ZNF143: variants seen among roughly 807,000 people sequenced by gnomAD.
ZNF143 encodes SPH-binding factor.
In ZNF143, 49 loss-of-function variants were observed where a neutral mutation model predicts 74.1. The ratio of observed to expected loss-of-function variants is 0.66; its 90% confidence interval spans 0.53 to 0.84. The LOEUF (loss-of-function observed/expected upper bound fraction) is 0.84. ZNF143 is among the 40% of genes least tolerant of loss of function. ZNF143 has a pLI of 0.00. For missense variants in ZNF143, 637 were observed against 793.4 expected, an observed-to-expected ratio of 0.80 and a Z score of 2.37; for synonymous variants, 304 against 282.8, an observed-to-expected ratio of 1.07 and a Z score of -0.75.
At chr11:9,523,356 C>G (rs1456900473) in intron 14 of ZNF143, among the ~76,000 whole-genome samples, 1 of 152,120 alleles carries the variant, frequency 6.6e-6, no homozygotes, top group Non-Finnish European at 1.5e-5. Context: ...GAAAGCTCTC[C>G]TTAGTTTCTC....
intron 8 of ZNF143, among the ~76,000 whole-genome samples, chr11:9,495,920 G>C (rs970652150): frequency 6.6e-6 from 1 of 152,124 alleles, no homozygotes; most frequent in African/African-American, 2.4e-5. Context: ...CTAGGCAGTG[G>C]TGGATCCTTG....
chr11:9,523,472 G>A (rs1324550092), intron 14 of ZNF143, among the ~76,000 whole-genome samples: 2 of 152,266 alleles, frequency 1.3e-5, no homozygotes, highest in East Asian at 3.9e-4. Flanking sequence ...GGTGGCTCAC[G>A]CCTGTAATCC....
intron 13 of ZNF143, among the ~76,000 whole-genome samples, chr11:9,515,982 C>T (rs533474557): frequency 1.3e-5 from 2 of 151,904 alleles, no homozygotes; most frequent in East Asian, 3.9e-4. Context: ...GAGGCCTTGT[C>T]TCCAAAAATA....
rs868374967 is a variant in ZNF143, at chr11:9,505,083, C to T, written c.1148-3536C>T. 2.5e-5 allele frequency among the ~76,000 whole-genome samples: 3 copies of T among 121,050 alleles called. 1 individual carries two copies. Among genetic ancestry groups the T allele is most frequent in the Non-Finnish European group, 5.9e-5 (3 of 51,054 alleles). The allele number at this position is 121,050 out of a possible 152,430, so 79.4% of individuals were successfully genotyped here. A position where few individuals can be genotyped will look rare whatever the true frequency, so the allele number is the denominator to read the frequency against. On this transcript the variant is annotated intron_variant, in intron 11 of 15. Coordinates refer to ENST00000396602, the MANE Select transcript of ZNF143 (RefSeq NM_003442.6). Reference sequence around the variant, plus strand: ...CCGCCTCCTGGGTTCAAGTGATTCTCCTGCCTCAGCCTCCTGAGTAGCTGG... The same window carrying T: ...CCGCCTCCTGGGTTCAAGTGATTCTTCTGCCTCAGCCTCCTGAGTAGCTGG...
In ZNF143 at chr11:9,474,602, T is replaced by A. The variant is rs757721438; in HGVS notation, c.342T>A (p.Gly114=). ...EDGQAVQLED[G]TTAFIHHTSK... is the part of the protein sequence containing the mutation. ...GTCAAGCAGTACAGTTAGAAGATGG[T>A]ACCACAGCATTTATTCACCACACCT... Residue 114 remains glycine, a synonymous_variant, in exon 5 of 16, where the codon GGT becomes GGA. Transcript: ENST00000396602. 6.2e-7 allele frequency: 1 copy of A among 1,614,164 alleles called. No homozygotes were observed. Among genetic ancestry groups the A allele is most frequent in the African/African-American group, 1.3e-5 (1 of 75,050 alleles).
In ZNF143 at chr11:9,508,128, G is replaced by C. The variant is rs1419423946; in HGVS notation, c.1148-491G>C. 5.9e-5 allele frequency among the ~76,000 whole-genome samples: 9 copies of C among 152,294 alleles called. No homozygotes were observed. In the South Asian group the frequency reaches 1.0e-3, roughly 18 times the overall value. On this transcript the variant is annotated intron_variant, in intron 11 of 15. Coordinates refer to ENST00000396602, the MANE Select transcript of ZNF143 (RefSeq NM_003442.6). ...CTTTTGATTGGATGTAAGAAGTCAG[G>C]TTAAGTTAAATGAAACATGTTTGTC...
At chr11:9,517,964 T>A (rs1425741103) in intron 14 of ZNF143, among the ~76,000 whole-genome samples, 2 of 152,194 alleles carry the variant, frequency 1.3e-5, no homozygotes, top group African/African-American at 4.8e-5. Flanking sequence ...GAGGAAAAGA[T>A]ATTCACACTA....
chr11:9,504,657 CA>C lies in ZNF143; in HGVS notation c.1147+3388del, dbSNP rs1470004394. On this transcript the variant is annotated intron_variant, in intron 11 of 15. Coordinates refer to ENST00000396602, the MANE Select transcript of ZNF143 (RefSeq NM_003442.6). Reference sequence around the variant, plus strand: ...CTTGTGTTAATTCAAAATTAAAAGACATTTTTTTCTTTTTTCTTTTTTTTTT... The same window carrying C: ...CTTGTGTTAATTCAAAATTAAAAGACTTTTTTTCTTTTTTCTTTTTTTTTT... Among the ~76,000 whole-genome samples, 4 of 116,410 alleles carry C rather than the reference CA, an allele frequency of 3.4e-5. 2 individuals carry two copies. The highest frequency in any genetic ancestry group is 8.0e-5 in the Non-Finnish European group (4 of 49,918). The allele number at this position is 116,410 out of a possible 152,430, so 76.4% of individuals were successfully genotyped here. A position where few individuals can be genotyped will look rare whatever the true frequency, so the allele number is the denominator to read the frequency against.
intron 11 of ZNF143, among the ~76,000 whole-genome samples, chr11:9,505,252 G>A (rs143301192): frequency 2.9e-5 from 2 of 69,382 alleles, no homozygotes; most frequent in Non-Finnish European, 4.6e-5. Context: ...GATTACAGGC[G>A]TGAGCCACCA....
At chr11:9,470,566 C>T (rs1176669116) in intron 1 of ZNF143, among the ~76,000 whole-genome samples, 4 of 152,068 alleles carry the variant, frequency 2.6e-5, no homozygotes, top group African/African-American at 7.2e-5. Flanking sequence ...CAAATGAACA[C>T]GTTCTAAGGC....
At chr11:9,504,152 G>A (rs544027691) in intron 11 of ZNF143, among the ~76,000 whole-genome samples, 193 of 151,450 alleles carry the variant, frequency 1.3e-3, no homozygotes, top group Middle Eastern at 3.4e-3. Flanking sequence ...ATAGAGATAG[G>A]TTTTCACCAT....
At chr11:9,497,471 TC>T (rs1848001269) in intron 9 of ZNF143, among the ~76,000 whole-genome samples, 1 of 152,194 alleles carries the variant, frequency 6.6e-6, no homozygotes, top group South Asian at 2.1e-4. Context: ...CTTCAGGTGA[TC>T]CGCCCGCCTT....
At chr11:9,471,225 G>T in intron 1 of ZNF143, 77 bp from the exon 2 acceptor site, 1 of 1,210,678 alleles carries the variant, frequency 8.3e-7, no homozygotes, top group South Asian at 1.5e-5. Context: ...AGCTTTTTGT[G>T]GTTCATAAAT....
At position 9,476,495 on chromosome 11, in the gene ZNF143, C is replaced by T. The variant is rs372032827; in HGVS notation, c.373+1862C>T. 2.8e-4 allele frequency among the ~76,000 whole-genome samples: 43 copies of T among 151,166 alleles called. No individual in the cohort carries two copies. In the East Asian group the frequency reaches 4.0e-3, roughly 14 times the overall value. On this transcript the variant is annotated intron_variant, in intron 5 of 15. Coordinates refer to ENST00000396602, the MANE Select transcript of ZNF143 (RefSeq NM_003442.6). ...TCAAGCGATTCTCCTGCCTCAGCCT[C>T]CCAAGTAGCTGAGATTACAGGTGCC...
At chr11:9,489,643 C>G (rs191552882) in intron 7 of ZNF143, among the ~76,000 whole-genome samples, 2 of 152,244 alleles carry the variant, frequency 1.3e-5, no homozygotes, top group African/African-American at 4.8e-5. Context: ...AGATATGAGT[C>G]TCTCTGGAGT....
intron 14 of ZNF143, among the ~76,000 whole-genome samples, chr11:9,516,712 A>G (rs1253669876): frequency 6.6e-6 from 1 of 152,212 alleles, no homozygotes. Flanking sequence ...TGAATATGTC[A>G]TATATTCATA....
chr11:9,474,493 G>A (rs1430721679), intron 4 of ZNF143, 57 bp from the exon 5 acceptor site: 4 of 1,540,920 alleles, frequency 2.6e-6, no homozygotes, highest in Non-Finnish European at 3.6e-6. Context: ...GTTGCTAAGT[G>A]AGTTAATTGG....
intron 15 of ZNF143, among the ~76,000 whole-genome samples, chr11:9,525,863 C>A (rs746990557): frequency 1.3e-5 from 2 of 152,206 alleles, no homozygotes; most frequent in African/African-American, 4.8e-5. Context: ...TAGGTGCAGC[C>A]GGGCATGGTG....
rs944829990 is a variant in ZNF143, at chr11:9,496,507, C to G, written c.841+129C>G. 15 of 737,788 alleles carry G rather than the reference C, an allele frequency of 2.0e-5. No individual in the cohort carries two copies. In the African/African-American group the frequency reaches 2.3e-4, roughly 11 times the overall value. 45.7% of individuals were successfully genotyped at this position (737,788 alleles called of 1,614,324 possible). The stretch of plus-strand genomic sequence containing the variant: ...GCACATGATCAGTTTTTCAGTCTCT[C>G]TCATAACTGCCTTTCGTCCTGCTTG... On this transcript the variant is annotated intron_variant, in intron 9 of 15. Coordinates refer to ENST00000396602, the MANE Select transcript of ZNF143 (RefSeq NM_003442.6).
Sources: allele counts gnomAD v4.1 joint callset (sites outside exome capture counted in the v4.1 genomes callset), GRCh38; gene constraint gnomAD v4.1.1; transcripts MANE v1.5; gene names NCBI Gene and HGNC (gene_info 2026-07-23, HGNC 2026-07-21).